ESPN: variants seen among roughly 807,000 people sequenced by gnomAD.
ESPN encodes espin.
In ESPN, 68 loss-of-function variants were observed where a neutral mutation model predicts 77.7. The observed-to-expected ratio is 0.87, with a 90% CI of 0.72 to 1.07. The LOEUF (loss-of-function observed/expected upper bound fraction) is 1.07, where lower values mean the gene tolerates loss of function less well. Ranked by LOEUF, ESPN falls within the 50% of genes least tolerant of loss-of-function variation. ESPN has a pLI of 0.00. For synonymous variants in ESPN, 449 were observed against 567.1 expected, an observed-to-expected ratio of 0.79 and a Z score of 2.96; for missense variants, 1,060 against 1,239.0, an observed-to-expected ratio of 0.86 and a Z score of 2.17.
rs1401859516 is a variant in ESPN, at chr1:6,444,469, C to A, written c.991-12C>A. On this transcript the variant is annotated splice_polypyrimidine_tract_variant and intron_variant, in intron 5 of 12. Transcript: ENST00000645284. ...TATGGTTGTCTTCATGGCCTCCCTG[C>A]CTCCCCTTCAGAGCGTGGAGCACCG... 6.2e-7 allele frequency: 1 copy of A among 1,614,024 alleles called. No individual in the cohort carries two copies. Among genetic ancestry groups the A allele is most frequent in the East Asian group, 2.2e-5 (1 of 44,886 alleles).
intron 12 of ESPN, among the ~76,000 whole-genome samples, chr1:6,458,465 G>A (rs531204482): frequency 1.3e-3 from 202 of 151,010 alleles, no homozygotes; most frequent in African/African-American, 4.5e-3. Context: ...ACAGGCGCCC[G>A]CCACCACGCC....
At chr1:6,425,336 G>A (rs770165813) in intron 1 of ESPN, 87 bp downstream of exon 1, 33 of 1,485,940 alleles carry the variant, frequency 2.2e-5, no homozygotes, top group Non-Finnish European at 3.0e-5. Flanking sequence ...TCAAGGATGG[G>A]TGGGGTTTGG....
At position 6,451,247 on chromosome 1, in the gene ESPN, A is replaced by G; in HGVS notation, c.1916-356A>G. 2.6e-6 allele frequency: 1 copy of G among 384,826 alleles called. No individual in the cohort carries two copies. The highest frequency in any genetic ancestry group is 4.9e-6 in the Non-Finnish European group (1 of 202,082). 23.8% of individuals were successfully genotyped at this position (384,826 alleles called of 1,614,324 possible). A position where few individuals can be genotyped will look rare whatever the true frequency, so the allele number is the denominator to read the frequency against. On this transcript the variant is annotated intron_variant, in intron 8 of 12. Transcript: ENST00000645284. This position sits in a 1 kb window ranked among gnomAD's most constrained non-coding sequence, Gnocchi z 4.3. ...GCCGGGCTGAGCCAGGGAACCTGGGACAAAGGTCAGGTGGCTGATTCCAGG... is the reference window on the plus strand; with the variant it reads ...GCCGGGCTGAGCCAGGGAACCTGGGGCAAAGGTCAGGTGGCTGATTCCAGG...
chr1:6,456,171 A>G, intron 10 of ESPN: 1 of 398,842 alleles, frequency 2.5e-6, no homozygotes, highest in East Asian at 3.6e-5. Context: ...CTGGAAAGAG[A>G]AGGAGGCAGA....
intron 1 of ESPN, among the ~76,000 whole-genome samples, chr1:6,426,891 C>T (rs542464887): frequency 6.6e-6 from 1 of 152,260 alleles, no homozygotes; most frequent in East Asian, 1.9e-4. Context: ...TTGTCCTCAG[C>T]TTCCTATGGG....
downstream of ESPN, chr1:6,461,354 A>T (rs1644165597): frequency 7.6e-6 from 11 of 1,456,364 alleles, no homozygotes; most frequent in African/African-American, 1.4e-5. The surrounding 1 kb of genome is among the most constrained non-coding windows in gnomAD (Gnocchi z 6.3). Flanking sequence ...AGTGACATAA[A>T]ATGTCTACAC....
rs1643074471 is a variant in ESPN at position 6,427,324 on chromosome 1, T to C, written c.295-902T>C. Among the ~76,000 whole-genome samples, 1 of 152,026 alleles carries C rather than the reference T, an allele frequency of 6.6e-6. No homozygotes were observed. The highest frequency in any genetic ancestry group is 2.4e-5 in the African/African-American group (1 of 41,408). ...ACTCTGCCAAGTGCGGCAGCCTCTG[T>C]GTCTAGATGTTCCCGGGAATTCTCC... On this transcript the variant is annotated intron_variant, in intron 1 of 12. Transcript: ENST00000645284. This position sits in a 1 kb window ranked among gnomAD's most constrained non-coding sequence, Gnocchi z 4.6.
Position 6,451,686 on chromosome 1 carries a change from C to A in ESPN, c.1999C>A (p.Pro667Thr), listed in dbSNP as rs1277000703. 4 of 1,613,162 alleles carry A rather than the reference C, an allele frequency of 2.5e-6. No homozygotes were observed. The highest frequency in any genetic ancestry group is 1.7e-5 in the Admixed American group (1 of 59,984). ...GATTAAGGCAGGCAAGAGCCTGAAG[C>A]CGACGCCCCAGAGCAAGGGGCTGAC... ...AEIKAGKSLK[P>T]TPQSKGLTTV... Residue 667 changes from proline (P) to threonine (T), a missense_variant, in exon 9 of 13, where the codon CCG becomes ACG. Coordinates refer to ENST00000645284, the MANE Select transcript of ESPN (RefSeq NM_031475.3). This position sits in a 1 kb window ranked among gnomAD's most constrained non-coding sequence, Gnocchi z 4.3.
At chr1:6,449,159 C>T (rs1441711188) in intron 8 of ESPN, 68 bp downstream of exon 8, 4 of 1,382,228 alleles carry the variant, frequency 2.9e-6, no homozygotes, top group Middle Eastern at 2.6e-4. Context: ...ATCTAGACAC[C>T]GCCCCCTCCC....
intron 6 of ESPN, among the ~76,000 whole-genome samples, chr1:6,445,114 TACAC>T (rs146450064): frequency 6.6e-6 from 1 of 151,858 alleles, no homozygotes; most frequent in Admixed American, 6.6e-5. Flanking sequence ...CACACACACA[TACAC>T]ACCATGTCCA....
chr1:6,431,664 A>G (rs1557695485), intron 2 of ESPN, among the ~76,000 whole-genome samples: 1 of 151,142 alleles, frequency 6.6e-6, no homozygotes, highest in African/African-American at 2.4e-5. Context: ...GGAACGAACG[A>G]AAGAAAGGAA....
At chr1:6,456,217 T>G (rs1251537537) in intron 10 of ESPN, 2 of 396,896 alleles carry the variant, frequency 5.0e-6, no homozygotes, top group East Asian at 3.6e-5. Flanking sequence ...TTCGGAATTC[T>G]CAGTTCACCC....
intron 10 of ESPN, among the ~76,000 whole-genome samples, chr1:6,452,995 C>T (rs1183644755): frequency 1.2e-4 from 19 of 152,116 alleles, no homozygotes; most frequent in African/African-American, 4.6e-4. Flanking sequence ...TGGGTTCAAG[C>T]GATTCTCCCG....
At position 6,424,816 on chromosome 1, in the gene ESPN, G is replaced by A; in HGVS notation, c.-140G>A. ...GGAGCGCCAGGCAGCGCGGAGCGGAGGCCAGGCCCACAGCCGCTCCGCCTC... is the reference window on the plus strand; with the variant it reads ...GGAGCGCCAGGCAGCGCGGAGCGGAAGCCAGGCCCACAGCCGCTCCGCCTC... On this transcript the variant is annotated 5_prime_UTR_variant, in exon 1 of 13. Coordinates refer to ENST00000645284, the MANE Select transcript of ESPN (RefSeq NM_031475.3). The A allele has an allele frequency of 1.2e-6, 1 of 865,392 alleles. No homozygotes were observed. The highest frequency in any genetic ancestry group is 1.5e-6 in the Non-Finnish European group (1 of 652,506). The allele number at this position is 865,392 out of a possible 1,614,324, so 53.6% of individuals were successfully genotyped here. A position where few individuals can be genotyped will look rare whatever the true frequency, so the allele number is the denominator to read the frequency against.
At position 6,451,778 on chromosome 1, in the gene ESPN, C is replaced by T. The variant is rs373142037; in HGVS notation, c.2061+30C>T. ...GCGGGCCCAGCAGGAGCCTGCGACC[C>T]GGCTTCCCTGGCCCTAGGCCACCGG... On this transcript the variant is annotated intron_variant, in intron 9 of 12. Coordinates refer to ENST00000645284, the MANE Select transcript of ESPN (RefSeq NM_031475.3). The surrounding 1 kb of genome is among the most constrained non-coding windows in gnomAD (Gnocchi z 4.3). 91 of 1,610,260 alleles carry T rather than the reference C, an allele frequency of 5.7e-5. No homozygotes were observed. The highest frequency in any genetic ancestry group is 7.1e-5 in the Non-Finnish European group (84 of 1,179,088).
intron 5 of ESPN, 129 bp from the exon 6 acceptor site, chr1:6,444,352 G>A (rs1643748330): frequency 1.2e-6 from 1 of 867,390 alleles, no homozygotes; most frequent in Non-Finnish European, 1.9e-6. Flanking sequence ...TGATGGGGAA[G>A]AGACCCCAGA....
Position 6,425,104 on chromosome 1 carries a change from A to G in ESPN, c.149A>G (p.His50Arg). 6.6e-7 allele frequency: 1 copy of G among 1,506,760 alleles called. No homozygotes were observed. The highest frequency in any genetic ancestry group is 8.8e-7 in the Non-Finnish European group (1 of 1,135,832). The allele number at this position is 1,506,760 out of a possible 1,614,324, so 93.3% of individuals were successfully genotyped here. A position where few individuals can be genotyped will look rare whatever the true frequency, so the allele number is the denominator to read the frequency against. The change falls in exon 1 of 13, where the codon CAC becomes CGC. Residue 50 changes from histidine to arginine, a missense_variant. By Grantham distance (29) the His-to-Arg change is conservative. Around this residue, in one of 3 missense-constraint regions of ESPN, gnomAD observed 556 missense variants for 633.6 expected, o/e 0.88. Coordinates refer to ENST00000645284, the MANE Select transcript of ESPN (RefSeq NM_031475.3). ...CACGCGGCCCGCGCTGGGAAGCTGC[A>G]CTGTCTGCGCTTCCTGGTGGAGGAA... ...VHHAARAGKL[H>R]CLRFLVEEAA...
At chr1:6,459,566 T>C (rs1257379076) in intron 12 of ESPN, among the ~76,000 whole-genome samples, 1 of 152,128 alleles carries the variant, frequency 6.6e-6, no homozygotes, top group Admixed American at 6.5e-5. Flanking sequence ...ATAACTTGTC[T>C]CTAATTCTCA....
rs1236478717 is a variant in ESPN at position 6,442,166 on chromosome 1, C to T, written c.990+1101C>T. On this transcript the variant is annotated intron_variant, in intron 5 of 12. Coordinates refer to ENST00000645284, the MANE Select transcript of ESPN (RefSeq NM_031475.3). ...GGGCACCTGAGGGCCTCTCTGGATG[C>T]AGCTGCTAGCGGTCATAGGACAGCA... is the stretch of plus-strand genomic sequence containing the variant. Among the ~76,000 whole-genome samples, 106 of 152,196 alleles carry T rather than the reference C, an allele frequency of 7.0e-4. 1 individual carries two copies. Among genetic ancestry groups the T allele is most frequent in the Admixed American group, 6.9e-3 (105 of 15,282 alleles).
Sources: gnomAD v4.1 joint callset for allele counts (sites outside exome capture counted in the v4.1 genomes callset) on GRCh38, gnomAD v4.1.1 for gene constraint, gnomAD v4.1.1 regional missense constraint, Gnocchi (gnomAD v3.1) non-coding constraint, MANE v1.5 for transcripts, NCBI Gene and HGNC (gene_info 2026-07-23, HGNC 2026-07-21) for gene names.